The following MGMT variants were observed in gnomAD, a reference collection of about 807,000 sequenced individuals.
The protein encoded by MGMT is O-6-methylguanine-DNA methyltransferase.
In MGMT, 14 loss-of-function variants were observed where a neutral mutation model predicts 15.9. The observed-to-expected ratio is 0.88, with a 90% CI of 0.58 to 1.37. MGMT has a LOEUF of 1.37. Ranked by LOEUF, MGMT falls within the 40% of genes most tolerant of loss-of-function variation. The pLI, the probability that MGMT is intolerant of heterozygous loss-of-function variation, is 0.00. For missense variants in MGMT, 282 were observed against 268.1 expected (o/e 1.05, Z -0.36); for synonymous variants, 130 against 118.2 (o/e 1.10, Z -0.65).
intron 3 of MGMT, among the ~76,000 whole-genome samples, chr10:129,711,727 G>A (rs575993965): frequency 9.2e-5 from 14 of 152,234 alleles, no homozygotes; most frequent in Admixed American, 7.9e-4. Flanking sequence ...CCGAGGGCTA[G>A]CATCTTGTCG....
intron 2 of MGMT, among the ~76,000 whole-genome samples, chr10:129,584,324 C>T (rs1355858532): frequency 6.6e-6 from 1 of 152,146 alleles, no homozygotes; most frequent in African/African-American, 2.4e-5. Context: ...TTGGCCTGTC[C>T]ATGGGGGCCT....
chr10:129,704,475 TG>T (rs1382519582), intron 2 of MGMT, among the ~76,000 whole-genome samples: 1 of 151,984 alleles, frequency 6.6e-6, no homozygotes, highest in African/African-American at 2.4e-5. Context: ...TGAGTTCCCT[TG>T]GGCAGGGATC....
chr10:129,733,452 G>C (rs1372019442), intron 3 of MGMT, among the ~76,000 whole-genome samples: 1 of 149,984 alleles, frequency 6.7e-6, no homozygotes, highest in African/African-American at 2.4e-5. Flanking sequence ...GTAGATTCTG[G>C]ATATTAGCCC....
intron 1 of MGMT, among the ~76,000 whole-genome samples, chr10:129,502,312 AGGT>A (rs1483068249): frequency 3.9e-5 from 6 of 152,134 alleles, no homozygotes; most frequent in African/African-American, 1.4e-4. Flanking sequence ...GATCTTCCTT[AGGT>A]TTGCTGTAAG....
At chr10:129,541,199 A>C (rs1220625099) in intron 2 of MGMT, among the ~76,000 whole-genome samples, 2 of 152,268 alleles carry the variant, frequency 1.3e-5, no homozygotes, top group Non-Finnish European at 2.9e-5. Context: ...TTCCTTGCAT[A>C]GTTACCTTTC....
intron 2 of MGMT, among the ~76,000 whole-genome samples, chr10:129,642,226 C>T (rs1329391100): frequency 3.9e-5 from 6 of 151,992 alleles, no homozygotes; most frequent in Non-Finnish European, 5.9e-5. Flanking sequence ...GGCGGGCGGG[C>T]GTAGGGGGCA....
At chr10:129,508,253 C>T (rs12240470) in intron 1 of MGMT, among the ~76,000 whole-genome samples, 9,923 of 152,084 alleles carry the variant, frequency 0.065, 1,073 homozygotes, top group African/African-American at 0.23. Flanking sequence ...CTGGAAGCCG[C>T]CATAGAGATA....
chr10:129,757,536 G>A (rs1028322938), intron 3 of MGMT, among the ~76,000 whole-genome samples: 1 of 152,180 alleles, frequency 6.6e-6, no homozygotes, highest in African/African-American at 2.4e-5. Flanking sequence ...TGCTTCTTGC[G>A]GTATTGACGT....
rs372231322 is a variant in MGMT at position 129,694,148 on chromosome 10, G to A, written c.126-13747G>A. The A allele has an allele frequency of 1.2e-4, 19 of 152,396 alleles. No individual in the cohort carries two copies. The East Asian group carries it at 3.7e-3, about 30-fold the overall frequency. 9.4% of individuals were successfully genotyped at this position (152,396 alleles called of 1,614,324 possible). A position where few individuals can be genotyped will look rare whatever the true frequency, so the allele number is the denominator to read the frequency against. On this transcript the variant is annotated intron_variant, in intron 2 of 4. Transcript: ENST00000651593. ...GTTGAATGGCGCCTTTGAGTTCCCAGAAGCTCTTCTCAGCGGGAGGCTCCC... is the reference window on the plus strand; with the variant it reads ...GTTGAATGGCGCCTTTGAGTTCCCAAAAGCTCTTCTCAGCGGGAGGCTCCC...
chr10:129,708,508 ATTTC>A (rs1389499936), intron 3 of MGMT, among the ~76,000 whole-genome samples: 1 of 152,174 alleles, frequency 6.6e-6, no homozygotes, highest in African/African-American at 2.4e-5. Context: ...TTTACATTTA[ATTTC>A]TCAAACGTAC....
chr10:129,526,307 T>C (rs1476771233), intron 1 of MGMT, among the ~76,000 whole-genome samples: 7 of 152,216 alleles, frequency 4.6e-5, no homozygotes, highest in Non-Finnish European at 7.3e-5. Context: ...GCTTCCCCAA[T>C]GCCCCTTATT....
intron 3 of MGMT, among the ~76,000 whole-genome samples, chr10:129,755,429 A>G (rs550141978): frequency 3.3e-4 from 51 of 152,330 alleles, no homozygotes; most frequent in African/African-American, 1.2e-3. Context: ...CAGCACAGCT[A>G]CTGAGATGCT....
At chr10:129,585,369 T>C (rs1419326700) in intron 2 of MGMT, among the ~76,000 whole-genome samples, 1 of 152,194 alleles carries the variant, frequency 6.6e-6, no homozygotes, top group East Asian at 1.9e-4. Flanking sequence ...AGAGTATACA[T>C]ACAGTAGTTC....
intron 2 of MGMT, among the ~76,000 whole-genome samples, chr10:129,626,318 G>T (rs1024695939): frequency 6.6e-6 from 1 of 152,190 alleles, no homozygotes; most frequent in Non-Finnish European, 1.5e-5. Flanking sequence ...GGGTCATTGG[G>T]GGATTAATTT....
At chr10:129,489,138 A>C (rs963731117) in intron 1 of MGMT, among the ~76,000 whole-genome samples, 1 of 152,098 alleles carries the variant, frequency 6.6e-6, no homozygotes, top group Non-Finnish European at 1.5e-5. Context: ...AGGTGGGCAG[A>C]TCATGAGTTC....
At chr10:129,762,803 ACT>A (rs1297226506) in intron 4 of MGMT, among the ~76,000 whole-genome samples, 1 of 152,088 alleles carries the variant, frequency 6.6e-6, no homozygotes, top group African/African-American at 2.4e-5. Flanking sequence ...GCTGATAAAG[ACT>A]TAGCATCATG....
Position 129,659,906 on chromosome 10 carries a change from C to A in MGMT, c.126-47989C>A, listed in dbSNP as rs1847576572. On this transcript the variant is annotated intron_variant, in intron 2 of 4. Coordinates refer to ENST00000651593, the MANE Select transcript of MGMT (RefSeq NM_002412.5). This position sits in a 1 kb window ranked among gnomAD's most constrained non-coding sequence, Gnocchi z 4.1. ...TAGGGTGGTCATCCGAATATCCCTG[C>A]CCCACTCCCCAGCTCTCTATGGCAT... Among the ~76,000 whole-genome samples, 1 of 152,198 alleles carries A rather than the reference C, an allele frequency of 6.6e-6. No homozygotes were observed. The highest frequency in any genetic ancestry group is 1.5e-5 in the Non-Finnish European group (1 of 68,032).
chr10:129,601,684 A>G (rs1182526221), intron 2 of MGMT, among the ~76,000 whole-genome samples: 4 of 152,246 alleles, frequency 2.6e-5, no homozygotes, highest in African/African-American at 9.6e-5. Flanking sequence ...AAGAAGACAT[A>G]TGTCCCTTCT....
chr10:129,654,519 G>A (rs76197380), intron 2 of MGMT, among the ~76,000 whole-genome samples: 4,003 of 152,228 alleles, frequency 0.026, 82 homozygotes, highest in South Asian at 0.066. Flanking sequence ...TCCTTTGACC[G>A]TCACTGTGAA....
Sources: gnomAD v4.1 joint callset for allele counts (sites outside exome capture counted in the v4.1 genomes callset) on GRCh38, gnomAD v4.1.1 for gene constraint, Gnocchi (gnomAD v3.1) non-coding constraint, MANE v1.5 for transcripts, NCBI Gene and HGNC (gene_info 2026-07-23, HGNC 2026-07-21) for gene names.